ATP13A3: variants seen among roughly 807,000 people sequenced by gnomAD.
The protein encoded by ATP13A3 is ATPase 13A3, also known as polyamine-transporting ATPase 13A3.
A neutral mutation model predicts 158.1 loss-of-function variants in ATP13A3; 59 were observed. The observed-to-expected ratio is 0.37, with a 90% CI of 0.30 to 0.46. ATP13A3 has a LOEUF of 0.46. Ranked by LOEUF, ATP13A3 falls within the 20% of genes least tolerant of loss-of-function variation. ATP13A3 has a pLI of 1.00. For synonymous variants in ATP13A3, 491 were observed against 504.3 expected, an observed-to-expected ratio of 0.97 and a Z score of 0.35; for missense variants, 1,166 against 1,525.2, an observed-to-expected ratio of 0.76 and a Z score of 3.92.
At chr3:194,450,120 G>C in intron 11 of ATP13A3, 25 bp downstream of exon 11, 1 of 1,610,012 alleles carries the variant, frequency 6.2e-7, no homozygotes, top group Non-Finnish European at 8.5e-7. Context: ...AACAACTCAT[G>C]TTGATATTTA....
In ATP13A3 at chr3:194,427,263, A is replaced by G; in HGVS notation, c.2948-11T>C. 1 of 1,582,696 alleles carries G rather than the reference A, an allele frequency of 6.3e-7. No individual in the cohort carries two copies. The highest frequency in any genetic ancestry group is 8.5e-7 in the Non-Finnish European group (1 of 1,170,466). On this transcript the variant is annotated splice_polypyrimidine_tract_variant and intron_variant, in intron 28 of 33. Coordinates refer to ENST00000645319, the MANE Select transcript of ATP13A3 (RefSeq NM_001367549.1). ...CAGGATTTAAACTCACTATATTGAA[A>G]AGAAAAAGAGGAAAGGTTTGTATTT... is the stretch of plus-strand genomic sequence containing the variant.
chr3:194,469,332 T>A (rs1276938645), intron 2 of ATP13A3, among the ~76,000 whole-genome samples: 1 of 151,616 alleles, frequency 6.6e-6, no homozygotes, highest in Admixed American at 6.6e-5. Context: ...GTGGTGCATA[T>A]CTGTAATCCT....
At chr3:194,444,428 C>G (rs566105833) in intron 15 of ATP13A3, among the ~76,000 whole-genome samples, 69 of 152,016 alleles carry the variant, frequency 4.5e-4, no homozygotes, top group Non-Finnish European at 8.1e-4. Flanking sequence ...AACATATGTA[C>G]AGTATATCAT....
rs746992584 is a variant in ATP13A3 at position 194,455,908 on chromosome 3, C to T, written c.615G>A (p.Lys205=). 2.6e-6 allele frequency: 4 copies of T among 1,547,744 alleles called. No homozygotes were observed. The South Asian group carries it at 4.8e-5, about 19-fold the overall frequency. The change falls in exon 8 of 34, where the codon AAG becomes AAA. Residue 205 remains lysine, a synonymous_variant. Coordinates refer to ENST00000645319, the MANE Select transcript of ATP13A3 (RefSeq NM_001367549.1). ...ATAGTCTTACCTCTTTAATTAGAAG[C>T]TTAAAAACAGAAGGCACTTTTACAG... The part of the protein sequence containing the change: ...EIAVKVPSVF[K]LLIKEVLNPF...
Position 194,448,709 on chromosome 3 carries a change from C to T in ATP13A3, c.971-73G>A, listed in dbSNP as rs1404892691. 1 of 1,392,884 alleles carries T rather than the reference C, an allele frequency of 7.2e-7. No individual in the cohort carries two copies. The highest frequency in any genetic ancestry group is 1.5e-5 in the African/African-American group (1 of 68,604). 86.3% of individuals were successfully genotyped at this position (1,392,884 alleles called of 1,614,324 possible). On this transcript the variant is annotated intron_variant, in intron 11 of 33. Transcript: ENST00000645319. This position sits in a 1 kb window ranked among gnomAD's most constrained non-coding sequence, Gnocchi z 4.0. Reference sequence around the variant, plus strand: ...CGAAAGCACAGGAATCAGTATCGAACACCAAAAAATATTAAATTGTTAAAT... The same window carrying T: ...CGAAAGCACAGGAATCAGTATCGAATACCAAAAAATATTAAATTGTTAAAT...
chr3:194,418,730 G>A (rs1441498139), intron 31 of ATP13A3, among the ~76,000 whole-genome samples: 4 of 152,214 alleles, frequency 2.6e-5, no homozygotes, highest in African/African-American at 4.8e-5. Flanking sequence ...AACTTGGCAC[G>A]TGGTAGCTGA....
chr3:194,475,870 A>G (rs929324872), intron 2 of ATP13A3, among the ~76,000 whole-genome samples: 3 of 152,162 alleles, frequency 2.0e-5, no homozygotes. Context: ...CTGCCTTTCA[A>G]AACCAGGAAA....
chr3:194,425,307 A>G (rs1021173682), intron 30 of ATP13A3, 35 bp downstream of exon 30: 27 of 1,568,476 alleles, frequency 1.7e-5, no homozygotes, highest in Non-Finnish European at 2.4e-5. Flanking sequence ...TAAAGGGGCA[A>G]GCAGGGTGGA....
chr3:194,463,924 C>T (rs1246961679), intron 2 of ATP13A3, among the ~76,000 whole-genome samples: 1 of 152,220 alleles, frequency 6.6e-6, no homozygotes, highest in Non-Finnish European at 1.5e-5. Context: ...CTCTGGGAGG[C>T]CAAGGCAGGC....
intron 2 of ATP13A3, 48 bp from the exon 3 acceptor site, chr3:194,462,284 G>A: frequency 8.1e-7 from 1 of 1,233,662 alleles, no homozygotes; most frequent in Non-Finnish European, 1.2e-6. Flanking sequence ...TTCTATCTTA[G>A]TAGACGATAC....
intron 2 of ATP13A3, among the ~76,000 whole-genome samples, chr3:194,472,767 A>T (rs563529084): frequency 9.9e-5 from 15 of 152,236 alleles, no homozygotes; most frequent in Non-Finnish European, 2.1e-4. Flanking sequence ...CCAACAGTGG[A>T]TTGCATAAAG....
At chr3:194,460,622 TTAAA>T (rs1327146796) in intron 4 of ATP13A3, 32 bp downstream of exon 4, 2 of 1,600,202 alleles carry the variant, frequency 1.2e-6, no homozygotes, top group Non-Finnish European at 1.7e-6. Context: ...GTTTTACTCC[TTAAA>T]TAATCAGCTA....
At chr3:194,447,234 G>A in intron 13 of ATP13A3, 119 bp from the exon 14 acceptor site, 1 of 815,860 alleles carries the variant, frequency 1.2e-6, no homozygotes, top group Non-Finnish European at 1.9e-6. Context: ...TTTTATGTAT[G>A]TGTGTGTATA....
rs768354583 is a variant in ATP13A3, at chr3:194,404,151, T to C, written c.*1768A>G. 5.8e-5 allele frequency: 26 copies of C among 447,558 alleles called. No homozygotes were observed. Among genetic ancestry groups the C allele is most frequent in the South Asian group, 4.0e-4 (25 of 62,694 alleles). The allele number at this position is 447,558 out of a possible 1,614,324, so 27.7% of individuals were successfully genotyped here. A position where few individuals can be genotyped will look rare whatever the true frequency, so the allele number is the denominator to read the frequency against. ...CCAGAGAATAAGTAACTATAGAAAA[T>C]AGTGCTAATTCACAGCTCAAGAGGT... On this transcript the variant is annotated 3_prime_UTR_variant, in exon 34 of 34. Coordinates refer to ENST00000645319, the MANE Select transcript of ATP13A3 (RefSeq NM_001367549.1).
chr3:194,447,714 G>A, intron 13 of ATP13A3, 138 bp downstream of exon 13: 2 of 762,168 alleles, frequency 2.6e-6, no homozygotes, highest in South Asian at 2.1e-5. Context: ...TCATGACTTT[G>A]TTAGCATTAA....
intron 2 of ATP13A3, among the ~76,000 whole-genome samples, chr3:194,479,879 C>CA (rs1277881953): frequency 6.6e-6 from 1 of 151,802 alleles, no homozygotes; most frequent in Non-Finnish European, 1.5e-5. Context: ...ACCAGAGACA[C>CA]AAAGAGAAAA....
rs998343885 is a variant in ATP13A3 at position 194,405,257 on chromosome 3, G to A, written c.*662C>T. 6.6e-6 allele frequency: 1 copy of A among 152,220 alleles called. No individual in the cohort carries two copies. The highest frequency in any genetic ancestry group is 2.4e-5 in the African/African-American group (1 of 41,438). The allele number at this position is 152,220 out of a possible 1,614,324, so 9.4% of individuals were successfully genotyped here. On this transcript the variant is annotated 3_prime_UTR_variant, in exon 34 of 34. Transcript: ENST00000645319. ...TCTCAAGAAGGCAGTGAAGCACCTT[G>A]CTGATTAGAAAAATAAAACCCAGGC...
In ATP13A3 at chr3:194,406,091, C is replaced by A. The variant is rs1360161618; in HGVS notation, c.3599G>T (p.Cys1200Phe). 1.9e-6 allele frequency: 3 copies of A among 1,614,118 alleles called. No individual in the cohort carries two copies. The highest frequency in any genetic ancestry group is 1.7e-6 in the Non-Finnish European group (2 of 1,180,020). Residue 1200 changes from cysteine to phenylalanine, a missense_variant, in exon 34 of 34, where the codon TGC (cysteine) becomes TTC (phenylalanine). This residue lies in a region of ATP13A3 where 997 missense variants were observed against 1,341.2 expected (regional missense o/e 0.74). Transcript: ENST00000645319. ...PQESVDRWGK[C>F]CLPWALGCRK... Reference sequence around the variant, plus strand: ...ACAGCCCAGGGCCCAGGGTAAGCAGCATTTTCCCCACCGATCCACTGACTC... The same window carrying A: ...ACAGCCCAGGGCCCAGGGTAAGCAGAATTTTCCCCACCGATCCACTGACTC...
chr3:194,447,789 C>G, intron 13 of ATP13A3, 63 bp downstream of exon 13: 1 of 1,410,280 alleles, frequency 7.1e-7, no homozygotes, highest in Non-Finnish European at 9.7e-7. Flanking sequence ...ATTTCAAATC[C>G]TCAATAGCTG....
Sources: gnomAD v4.1 joint callset for allele counts (sites outside exome capture counted in the v4.1 genomes callset) on GRCh38, gnomAD v4.1.1 for gene constraint, gnomAD v4.1.1 regional missense constraint, Gnocchi (gnomAD v3.1) non-coding constraint, MANE v1.5 for transcripts, NCBI Gene and HGNC (gene_info 2026-07-23, HGNC 2026-07-21) for gene names.